EPC1: variants seen among roughly 807,000 people sequenced by gnomAD.
The protein encoded by EPC1 is enhancer of polycomb homolog 1.
EPC1 carries 12 observed loss-of-function variants against 98.4 expected under a neutral mutation model. The ratio of observed to expected loss-of-function variants is 0.12; its 90% CI spans 0.08 to 0.20. The LOEUF is 0.20. Ranked by LOEUF, EPC1 falls within the 10% of genes least tolerant of loss-of-function variation. EPC1 has a pLI of 1.00. For synonymous variants in EPC1, 357 were observed against 363.9 expected, an observed-to-expected ratio of 0.98 and a Z score of 0.21; for missense variants, 729 against 990.5, an observed-to-expected ratio of 0.74 and a Z score of 3.54.
In EPC1 at chr10:32,284,840, T is replaced by C; in HGVS notation, c.1602A>G (p.Pro534=). 6.2e-7 allele frequency: 1 copy of C among 1,614,228 alleles called. No individual in the cohort carries two copies. Among genetic ancestry groups the C allele is most frequent in the Non-Finnish European group, 8.5e-7 (1 of 1,180,026 alleles). The change falls in exon 10 of 14, where the codon CCA becomes CCG. Residue 534 remains proline (P), a synonymous_variant. Coordinates refer to ENST00000319778, the MANE Select transcript of EPC1 (RefSeq NM_001272004.3). ...CRWRHFRPRT[P]SLHDSDNDEL... is the part of the protein sequence containing the mutation. ...CATCATTGTCACTGTCATGTAGGGA[T>C]GGTGTCCGAGGCCTAAAATGCCGCC...
At chr10:32,342,865 TAAC>T (rs756533051) in intron 1 of EPC1, among the ~76,000 whole-genome samples, 3 of 152,196 alleles carry the variant, frequency 2.0e-5, no homozygotes, top group Non-Finnish European at 2.9e-5. Context: ...GGAGAATTGT[TAAC>T]AACATAAAGC....
At chr10:32,316,742 A>G (rs1564543255) in intron 1 of EPC1, among the ~76,000 whole-genome samples, 1 of 152,232 alleles carries the variant, frequency 6.6e-6, no homozygotes, top group Admixed American at 6.5e-5. Flanking sequence ...ATGTAAATAT[A>G]TGAATATGAC....
chr10:32,308,719 T>C (rs868764524), intron 1 of EPC1, among the ~76,000 whole-genome samples: 3 of 152,152 alleles, frequency 2.0e-5, no homozygotes, highest in Admixed American at 6.6e-5. Context: ...GAAAACAGTA[T>C]GGAAGTCCCT....
At chr10:32,360,532 T>C (rs1839413097) in intron 1 of EPC1, among the ~76,000 whole-genome samples, 1 of 152,220 alleles carries the variant, frequency 6.6e-6, no homozygotes, top group Non-Finnish European at 1.5e-5. Flanking sequence ...GAACACGGGT[T>C]TCCATATTTG....
intron 1 of EPC1, among the ~76,000 whole-genome samples, chr10:32,318,935 G>A (rs1836718716): frequency 6.6e-6 from 1 of 152,060 alleles, no homozygotes; most frequent in African/African-American, 2.4e-5. Flanking sequence ...CTTGCCTTGG[G>A]AAACAGGTCC....
chr10:32,318,710 T>C (rs1416130252), intron 1 of EPC1, among the ~76,000 whole-genome samples: 1 of 152,212 alleles, frequency 6.6e-6, no homozygotes, highest in East Asian at 1.9e-4. Context: ...TTTTGCTTCT[T>C]ATTTCCCCAT....
At chr10:32,269,385 T>C in intron 13 of EPC1, 1 of 339,460 alleles carries the variant, frequency 2.9e-6, no homozygotes, top group South Asian at 3.8e-5. Flanking sequence ...GCAACCTAGA[T>C]GTTAAAAACA....
At chr10:32,279,913 A>G (rs1836310298) in intron 10 of EPC1, among the ~76,000 whole-genome samples, 1 of 152,144 alleles carries the variant, frequency 6.6e-6, no homozygotes, top group African/African-American at 2.4e-5. Flanking sequence ...AAAATTCCAT[A>G]TACACATACG....
chr10:32,300,948 C>T (rs1386497324), intron 2 of EPC1, among the ~76,000 whole-genome samples: 6 of 151,948 alleles, frequency 3.9e-5, no homozygotes, highest in Admixed American at 2.0e-4. Context: ...CTTCCTGGGC[C>T]GTTTAGTGGG....
At chr10:32,377,525 C>T (rs2133133905) in intron 1 of EPC1, 1 of 152,326 alleles carries the variant, frequency 6.6e-6, no homozygotes, top group South Asian at 2.1e-4. Flanking sequence ...AACTGCATGC[C>T]TGTCCCTGAT....
intron 1 of EPC1, among the ~76,000 whole-genome samples, chr10:32,364,217 GTATTTTAGTAGAGA>G (rs57188321): frequency 0.52 from 78,642 of 149,936 alleles, 22,813 homozygotes; most frequent in East Asian, 0.69. Flanking sequence ...AGTAGATTTT[GTATTTTAGTAGAGA>G]CCATGTTGGC....
At chr10:32,307,354 A>G (rs1438793588) in intron 1 of EPC1, among the ~76,000 whole-genome samples, 1 of 152,244 alleles carries the variant, frequency 6.6e-6, no homozygotes, top group South Asian at 2.1e-4. Flanking sequence ...CTCAAAGGGT[A>G]TATCTAAGGT....
chr10:32,319,273 G>GA (rs1450222111), intron 1 of EPC1, among the ~76,000 whole-genome samples: 1 of 152,124 alleles, frequency 6.6e-6, no homozygotes, highest in Admixed American at 6.5e-5. Flanking sequence ...TCAGAATCTG[G>GA]AAAAAAATTC....
chr10:32,319,408 A>G (rs1443515448), intron 1 of EPC1, among the ~76,000 whole-genome samples: 1 of 152,218 alleles, frequency 6.6e-6, no homozygotes, highest in Non-Finnish European at 1.5e-5. Context: ...AGGGAAATAT[A>G]GTAACTATAC....
chr10:32,363,888 G>A (rs914589778), intron 1 of EPC1, among the ~76,000 whole-genome samples: 7 of 150,062 alleles, frequency 4.7e-5, no homozygotes, highest in African/African-American at 1.5e-4. Context: ...CTGTATAATG[G>A]TCTTTCTTAA....
At chr10:32,354,281 A>T (rs1239819904) in intron 1 of EPC1, among the ~76,000 whole-genome samples, 1 of 152,076 alleles carries the variant, frequency 6.6e-6, no homozygotes, top group Non-Finnish European at 1.5e-5. Flanking sequence ...AAGAAATGAA[A>T]AATGCATGAT....
At chr10:32,333,351 C>T (rs1317762840) in intron 1 of EPC1, among the ~76,000 whole-genome samples, 1 of 152,052 alleles carries the variant, frequency 6.6e-6, no homozygotes, top group Non-Finnish European at 1.5e-5. Context: ...CAAACAACAA[C>T]AAAAATCCCC....
chr10:32,297,648 G>A (rs1422452264), intron 2 of EPC1, among the ~76,000 whole-genome samples: 1 of 152,046 alleles, frequency 6.6e-6, no homozygotes, highest in Non-Finnish European at 1.5e-5. Flanking sequence ...AAAATATTCT[G>A]ATAGGAATAA....
chr10:32,339,038 T>G (rs1160971907), intron 1 of EPC1, among the ~76,000 whole-genome samples: 2 of 152,084 alleles, frequency 1.3e-5, no homozygotes, highest in Admixed American at 6.5e-5. Context: ...TTCTGACTAC[T>G]GCATCCAATT....
Sources: allele counts gnomAD v4.1 joint callset (sites outside exome capture counted in the v4.1 genomes callset), GRCh38; gene constraint gnomAD v4.1.1; transcripts MANE v1.5; gene names NCBI Gene and HGNC (gene_info 2026-07-23, HGNC 2026-07-21).